MRRF: variants seen among roughly 807,000 people sequenced by gnomAD.
The protein encoded by MRRF is ribosome-recycling factor, mitochondrial.
In MRRF, 18 loss-of-function variants were observed where a neutral mutation model predicts 25.1. That is an observed-to-expected ratio of 0.72 (90% CI 0.50 to 1.06). The LOEUF is 1.06. Ranked by LOEUF, MRRF falls within the 50% of genes least tolerant of loss-of-function variation. The probability of loss-of-function intolerance (pLI) is 0.00; values close to 1 mark genes in which losing one functional copy is unlikely to be tolerated. For synonymous variants in MRRF, 113 were observed against 112.1 expected, an observed-to-expected ratio of 1.01 and a Z score of -0.05; for missense variants, 323 against 319.3, an observed-to-expected ratio of 1.01 and a Z score of -0.09.
Position 122,323,808 on chromosome 9 carries a change from G to C in MRRF, c.*1191G>C, listed in dbSNP as rs1195108318. ...GACAGTATTAGGTAATTTGCCCAAAGTAACAAAGCAAAGCTGATCAGTGGT... is the reference window on the plus strand; with the variant it reads ...GACAGTATTAGGTAATTTGCCCAAACTAACAAAGCAAAGCTGATCAGTGGT... On this transcript the variant is annotated 3_prime_UTR_variant, in exon 7 of 7. Coordinates refer to ENST00000344641, the MANE Select transcript of MRRF (RefSeq NM_138777.5). 6.6e-6 allele frequency: 1 copy of C among 152,192 alleles called. No homozygotes were observed. The highest frequency in any genetic ancestry group is 1.5e-5 in the Non-Finnish European group (1 of 68,036). 9.4% of individuals were successfully genotyped at this position (152,192 alleles called of 1,614,324 possible).
chr9:122,289,444 G>A (rs1833615676), intron 4 of MRRF, among the ~76,000 whole-genome samples: 1 of 152,194 alleles, frequency 6.6e-6, no homozygotes, highest in East Asian at 1.9e-4. Flanking sequence ...GGAAACACTT[G>A]GGTCAGCTTG....
Position 122,285,773 on chromosome 9 carries a change from T to G in MRRF, c.459+486T>G. On this transcript the variant is annotated intron_variant, in intron 4 of 6. Transcript: ENST00000344641. ...TGTTGATGACTAATTGAGTTTTTTTTTTAAAGACTATGAAGCAAATAAAAC... is the reference window on the plus strand; with the variant it reads ...TGTTGATGACTAATTGAGTTTTTTTGTTAAAGACTATGAAGCAAATAAAAC... 2.4e-6 allele frequency: 3 copies of G among 1,266,956 alleles called. No homozygotes were observed. In the South Asian group the frequency reaches 4.0e-5, roughly 17 times the overall value. 78.5% of individuals were successfully genotyped at this position (1,266,956 alleles called of 1,614,324 possible). A position where few individuals can be genotyped will look rare whatever the true frequency, so the allele number is the denominator to read the frequency against.
At chr9:122,287,847 C>T (rs866486640) in intron 4 of MRRF, among the ~76,000 whole-genome samples, 1 of 152,152 alleles carries the variant, frequency 6.6e-6, no homozygotes, top group Non-Finnish European at 1.5e-5. Flanking sequence ...TCCTTTATCT[C>T]GTCTGTTGTA....
chr9:122,303,260 T>A (rs1235843118), intron 5 of MRRF, among the ~76,000 whole-genome samples: 2 of 150,990 alleles, frequency 1.3e-5, no homozygotes. Flanking sequence ...TTTCAAAAGA[T>A]GAATATGCAA....
At chr9:122,293,579 T>A (rs1171924277) in intron 5 of MRRF, among the ~76,000 whole-genome samples, 1 of 152,256 alleles carries the variant, frequency 6.6e-6, no homozygotes, top group Non-Finnish European at 1.5e-5. Flanking sequence ...AGTAACACTC[T>A]GCTTTGAAAT....
At chr9:122,308,699 C>CAAA (rs776774424) in intron 5 of MRRF, among the ~76,000 whole-genome samples, 880 of 59,976 alleles carry the variant, frequency 0.015, 22 homozygotes, top group African/African-American at 0.048. Flanking sequence ...ACTCCATCTC[C>CAAA]AAAAAAAAAA....
intron 6 of MRRF, among the ~76,000 whole-genome samples, chr9:122,320,944 C>T (rs1031569118): frequency 1.3e-5 from 2 of 152,186 alleles, no homozygotes; most frequent in African/African-American, 2.4e-5. Flanking sequence ...GTGGCAGCTA[C>T]TAAACTGTAT....
chr9:122,277,462 T>TA (rs1375232352), intron 2 of MRRF, among the ~76,000 whole-genome samples: 1 of 152,230 alleles, frequency 6.6e-6, no homozygotes, highest in Non-Finnish European at 1.5e-5. Flanking sequence ...TTAAAAATCT[T>TA]ACTGAGAATC....
intron 5 of MRRF, among the ~76,000 whole-genome samples, chr9:122,296,694 T>C (rs1457145146): frequency 6.6e-6 from 1 of 152,220 alleles, no homozygotes; most frequent in Non-Finnish European, 1.5e-5. Flanking sequence ...GGGTTCATTT[T>C]GTTCAGGCCA....
At chr9:122,291,259 C>T (rs1432441696) in intron 4 of MRRF, among the ~76,000 whole-genome samples, 1 of 152,204 alleles carries the variant, frequency 6.6e-6, no homozygotes, top group African/African-American at 2.4e-5. Flanking sequence ...AGATTCATTG[C>T]TCATTCCAAA....
In MRRF at chr9:122,323,517, T is replaced by C. The variant is rs1707942822; in HGVS notation, c.*900T>C. 1 of 152,246 alleles carries C rather than the reference T, an allele frequency of 6.6e-6. No individual in the cohort carries two copies. The highest frequency in any genetic ancestry group is 2.1e-4 in the South Asian group (1 of 4,830). 9.4% of individuals were successfully genotyped at this position (152,246 alleles called of 1,614,324 possible). A position where few individuals can be genotyped will look rare whatever the true frequency, so the allele number is the denominator to read the frequency against. On this transcript the variant is annotated 3_prime_UTR_variant, in exon 7 of 7. Transcript: ENST00000344641. ...ACACTCCCTTTCTATCATTTTCCAC[T>C]CTTGTACTTGTTCTCAACATTTACT...
At chr9:122,271,627 T>C (rs971395097) in intron 2 of MRRF, among the ~76,000 whole-genome samples, 6 of 152,260 alleles carry the variant, frequency 3.9e-5, no homozygotes, top group Non-Finnish European at 7.3e-5. Context: ...TCGTGCATTC[T>C]GTTATTTTGC....
At chr9:122,298,955 A>T (rs1834263585) in intron 5 of MRRF, among the ~76,000 whole-genome samples, 1 of 152,150 alleles carries the variant, frequency 6.6e-6, no homozygotes, top group Admixed American at 6.5e-5. Context: ...TGAGGGATGT[A>T]CAAGAACAAA....
intron 6 of MRRF, among the ~76,000 whole-genome samples, 161 bp downstream of exon 6, chr9:122,313,547 C>G (rs1297347750): frequency 6.6e-6 from 1 of 152,180 alleles, no homozygotes; most frequent in African/African-American, 2.4e-5. Context: ...ATGCCAGATT[C>G]AGAGGGATCC....
rs554850354 is a variant in MRRF, at chr9:122,312,773, C to T, written c.552-454C>T. Among the ~76,000 whole-genome samples the T allele has an allele frequency of 3.3e-5, 5 of 152,338 alleles. No individual in the cohort carries two copies. In the East Asian group the frequency reaches 9.6e-4, roughly 29 times the overall value. On this transcript the variant is annotated intron_variant, in intron 5 of 6. Coordinates refer to ENST00000344641, the MANE Select transcript of MRRF (RefSeq NM_138777.5). The stretch of plus-strand genomic sequence containing the variant: ...GTGATATGGCTTCCCAGCCTCTTTT[C>T]TTGTCACTCCTTTCTTTGTTATCAG...
chr9:122,292,992 TAAACA>T (rs1056602630), intron 5 of MRRF, among the ~76,000 whole-genome samples: 1 of 152,080 alleles, frequency 6.6e-6, no homozygotes, highest in African/African-American at 2.4e-5. Context: ...AATATAGCAG[TAAACA>T]AAACAAACAA....
intron 5 of MRRF, among the ~76,000 whole-genome samples, chr9:122,295,665 C>T (rs190652335): frequency 6.6e-6 from 1 of 152,028 alleles, no homozygotes; most frequent in Non-Finnish European, 1.5e-5. Flanking sequence ...AGGCTGGTCT[C>T]GAACTCTTGA....
chr9:122,275,995 C>T (rs1429994688), intron 2 of MRRF, among the ~76,000 whole-genome samples: 6 of 151,818 alleles, frequency 4.0e-5, no homozygotes, highest in Non-Finnish European at 5.9e-5. Flanking sequence ...GCAGCCTTGT[C>T]CTCCTGGGTT....
rs945825717 is a variant in MRRF at position 122,327,484 on chromosome 9, T to C, written c.*4867T>C. 6.6e-6 allele frequency: 1 copy of C among 152,256 alleles called. No homozygotes were observed. Among genetic ancestry groups the C allele is most frequent in the Non-Finnish European group, 1.5e-5 (1 of 68,048 alleles). The allele number at this position is 152,256 out of a possible 1,614,324, so 9.4% of individuals were successfully genotyped here. A position where few individuals can be genotyped will look rare whatever the true frequency, so the allele number is the denominator to read the frequency against. ...TTCATGATGTGCATTTGAAATGATA[T>C]GTTCCCTATTTTGGGGGTACAAATT... On this transcript the variant is annotated 3_prime_UTR_variant, in exon 7 of 7. Transcript: ENST00000344641.
Sources: gnomAD v4.1 joint callset for allele counts (sites outside exome capture counted in the v4.1 genomes callset) on GRCh38, gnomAD v4.1.1 for gene constraint, MANE v1.5 for transcripts, NCBI Gene and HGNC (gene_info 2026-07-23, HGNC 2026-07-21) for gene names.